The following ZFPM1 variants were observed in gnomAD, a reference collection of about 807,000 sequenced individuals.
ZFPM1 encodes the protein zinc finger protein ZFPM1.
A neutral mutation model predicts 46.3 loss-of-function variants in ZFPM1; 28 were observed. The observed-to-expected ratio is 0.60, with a 90% CI of 0.45 to 0.83. The LOEUF (loss-of-function observed/expected upper bound fraction) is 0.83. ZFPM1 is among the 40% of genes least tolerant of loss of function. The pLI is 0.00. For missense variants in ZFPM1, 1,878 were observed against 1,432.4 expected, an observed-to-expected ratio of 1.31 and a Z score of -5.02; for synonymous variants, 957 against 675.9, an observed-to-expected ratio of 1.42 and a Z score of -6.45.
At chr16:88,524,737 C>T (rs1278686860) in intron 4 of ZFPM1, among the ~76,000 whole-genome samples, 1 of 152,186 alleles carries the variant, frequency 6.6e-6, no homozygotes, top group African/African-American at 2.4e-5. Context: ...GGACTGACCC[C>T]CCTGAGACTG....
chr16:88,528,107 C>A lies in ZFPM1; in HGVS notation c.581C>A (p.Pro194His), dbSNP rs139859151. The A allele has an allele frequency of 6.1e-5, 96 of 1,584,666 alleles. No homozygotes were observed. Among genetic ancestry groups the A allele is most frequent in the Non-Finnish European group, 5.7e-5 (66 of 1,166,548 alleles). Residue 194 changes from proline (P) to histidine (H), a missense_variant, in exon 6 of 10, where the codon CCC becomes CAC. Pro to His is a moderately conservative substitution (Grantham distance 77). Coordinates refer to ENST00000319555, the MANE Select transcript of ZFPM1 (RefSeq NM_153813.3). ...CTGAGCGTGCTCCTCACGGCCGAGC[C>A]CCACAGCACCCCCGGCCACCCTGTG... ...GLLSVLLTAE[P>H]HSTPGHPVKK...
At chr16:88,473,914 C>G (rs1002509959) in intron 1 of ZFPM1, among the ~76,000 whole-genome samples, 2 of 152,238 alleles carry the variant, frequency 1.3e-5, no homozygotes, top group African/African-American at 2.4e-5. Context: ...CTCGGCTCTT[C>G]CGCAAGGGGT....
chr16:88,459,048 G>C (rs891620441), intron 1 of ZFPM1, among the ~76,000 whole-genome samples: 12 of 152,372 alleles, frequency 7.9e-5, no homozygotes, highest in Non-Finnish European at 1.8e-4. Flanking sequence ...CGTCAGGGCT[G>C]AGCCCCTCGT....
intron 3 of ZFPM1, among the ~76,000 whole-genome samples, chr16:88,503,461 G>A (rs947078150): frequency 1.3e-4 from 17 of 126,412 alleles, no homozygotes; most frequent in African/African-American, 5.5e-4. Context: ...TGTCTGGGGG[G>A]CCCACGGTTC....
chr16:88,529,837 G>C (rs1912643351), intron 6 of ZFPM1, among the ~76,000 whole-genome samples: 1 of 152,260 alleles, frequency 6.6e-6, no homozygotes, highest in African/African-American at 2.4e-5. Context: ...TGGCCAGAGG[G>C]GGATGGGCTT....
At chr16:88,516,239 G>C (rs964680328) in intron 4 of ZFPM1, 9 of 398,506 alleles carry the variant, frequency 2.3e-5, no homozygotes, top group African/African-American at 1.6e-4. Flanking sequence ...TAATGGTAGG[G>C]CTGAGGGGCT....
rs976940509 is a variant in ZFPM1, at chr16:88,536,335, C to G, written c.*1356C>G. ...TACAGGCTTGACCCACCACACCTGG[C>G]TAACTTTTAAAACATTTTTATAGAG... On this transcript the variant is annotated 3_prime_UTR_variant, in exon 10 of 10. Coordinates refer to ENST00000319555, the MANE Select transcript of ZFPM1 (RefSeq NM_153813.3). 1 of 152,162 alleles carries G rather than the reference C, an allele frequency of 6.6e-6. No individual in the cohort carries two copies. Among genetic ancestry groups the G allele is most frequent in the Non-Finnish European group, 1.5e-5 (1 of 68,032 alleles). The allele number at this position is 152,162 out of a possible 1,614,324, so 9.4% of individuals were successfully genotyped here.
chr16:88,460,357 C>T (rs1907762689), intron 1 of ZFPM1, among the ~76,000 whole-genome samples: 1 of 152,166 alleles, frequency 6.6e-6, no homozygotes, highest in African/African-American at 2.4e-5. Flanking sequence ...GGAAGGCACA[C>T]TGGCAGTTCC....
intron 6 of ZFPM1, among the ~76,000 whole-genome samples, chr16:88,529,106 C>G (rs1406304607): frequency 6.6e-6 from 1 of 152,232 alleles, no homozygotes; most frequent in Non-Finnish European, 1.5e-5. Flanking sequence ...ACAGAAGATC[C>G]CATATCTGCC....
intron 3 of ZFPM1, among the ~76,000 whole-genome samples, chr16:88,500,917 A>C (rs1910215727): frequency 6.6e-6 from 1 of 152,260 alleles, no homozygotes; most frequent in Admixed American, 6.5e-5. Flanking sequence ...CCTGACCGAC[A>C]GGTACAGCGG....
At chr16:88,454,563 C>T (rs952321615) in intron 1 of ZFPM1, among the ~76,000 whole-genome samples, 2 of 152,252 alleles carry the variant, frequency 1.3e-5, no homozygotes, top group African/African-American at 4.8e-5. Flanking sequence ...GTCCGGCTCC[C>T]TGCCCGGTCA....
chr16:88,489,199 C>G, intron 3 of ZFPM1, 46 bp downstream of exon 3: 2 of 1,541,552 alleles, frequency 1.3e-6, no homozygotes, highest in Non-Finnish European at 1.7e-6. Flanking sequence ...TCCCGGGCAG[C>G]CTGGCCCGGC....
chr16:88,526,558 T>C (rs1245725647), intron 4 of ZFPM1, among the ~76,000 whole-genome samples: 3 of 152,132 alleles, frequency 2.0e-5, no homozygotes, highest in Non-Finnish European at 4.4e-5. Flanking sequence ...ACAAGAACCC[T>C]GCGCCCAACC....
chr16:88,534,859 G>T lies in ZFPM1; in HGVS notation c.2901G>T (p.Pro967=), dbSNP rs764007076. 1.3e-6 allele frequency: 2 copies of T among 1,563,398 alleles called. No individual in the cohort carries two copies. Among genetic ancestry groups the T allele is most frequent in the Non-Finnish European group, 1.7e-6 (2 of 1,161,140 alleles). Residue 967 remains proline, a synonymous_variant, in exon 10 of 10, where the codon CCG becomes CCT. Transcript: ENST00000319555. ...VQTPSKGTPA[P]LPNGNHRYCR... is the part of the protein sequence containing the mutation. ...CTCCCAGCAAGGGCACGCCGGCGCC[G>T]CTGCCCAACGGCAACCACCGGTACT...
chr16:88,472,791 G>A (rs761347627), intron 1 of ZFPM1, among the ~76,000 whole-genome samples: 6 of 152,244 alleles, frequency 3.9e-5, no homozygotes, highest in Non-Finnish European at 5.9e-5. Flanking sequence ...ACGCCCTCCC[G>A]GCACAGGCTC....
chr16:88,462,161 C>T (rs1270212292), intron 1 of ZFPM1, among the ~76,000 whole-genome samples: 1 of 152,224 alleles, frequency 6.6e-6, no homozygotes, highest in Non-Finnish European at 1.5e-5. Context: ...TCCTGTGCCT[C>T]CGTCTGCTTC....
chr16:88,534,860 C>T lies in ZFPM1; in HGVS notation c.2902C>T (p.Leu968=), dbSNP rs1304469414. The stretch of plus-strand genomic sequence containing the variant: ...TCCCAGCAAGGGCACGCCGGCGCCG[C>T]TGCCCAACGGCAACCACCGGTACTG... ...QTPSKGTPAP[L]PNGNHRYCRL... is the part of the protein sequence containing the mutation. The change falls in exon 10 of 10, where the codon CTG becomes TTG. Residue 968 remains leucine (L), a synonymous_variant. Coordinates refer to ENST00000319555, the MANE Select transcript of ZFPM1 (RefSeq NM_153813.3). 2 of 1,565,486 alleles carry T rather than the reference C, an allele frequency of 1.3e-6. No individual in the cohort carries two copies. The highest frequency in any genetic ancestry group is 1.2e-5 in the South Asian group (1 of 86,928).
intron 3 of ZFPM1, among the ~76,000 whole-genome samples, chr16:88,494,605 C>T (rs924127811): frequency 6.6e-6 from 1 of 152,166 alleles, no homozygotes; most frequent in Non-Finnish European, 1.5e-5. Flanking sequence ...CAGGGTGAGT[C>T]GGGGCCCTGC....
At chr16:88,479,304 G>A (rs1305060060) in intron 1 of ZFPM1, among the ~76,000 whole-genome samples, 2 of 152,070 alleles carry the variant, frequency 1.3e-5, no homozygotes, top group African/African-American at 2.4e-5. Context: ...CCTGCTTGGC[G>A]AGATTCACGG....
Sources: gnomAD v4.1 joint callset for allele counts (sites outside exome capture counted in the v4.1 genomes callset) on GRCh38, gnomAD v4.1.1 for gene constraint, MANE v1.5 for transcripts, NCBI Gene and HGNC (gene_info 2026-07-23, HGNC 2026-07-21) for gene names.